The following CIB1 variants were observed in gnomAD, a reference collection of about 807,000 sequenced individuals.
The protein encoded by CIB1 is calcium and integrin-binding protein 1.
A neutral mutation model predicts 25.0 loss-of-function variants in CIB1; 19 were observed. The ratio of observed to expected loss-of-function variants is 0.76; its 90% CI spans 0.53 to 1.12. The LOEUF (loss-of-function observed/expected upper bound fraction) is 1.12, where lower values mean the gene tolerates loss of function less well. CIB1 is among the 50% of genes most tolerant of loss of function. The pLI, the probability that CIB1 is intolerant of heterozygous loss-of-function variation, is 0.00. For missense variants in CIB1, 236 were observed against 242.6 expected (o/e 0.97, Z 0.18); for synonymous variants, 104 against 98.5 (o/e 1.06, Z -0.33).
chr15:90,231,804 G>A (rs749638530), intron 3 of CIB1, among the ~76,000 whole-genome samples: 8 of 152,228 alleles, frequency 5.3e-5, no homozygotes, highest in Non-Finnish European at 7.3e-5. Context: ...CAAAGGGAAC[G>A]AGATGGGCTG....
chr15:90,233,780 T>A lies in CIB1; in HGVS notation c.51+55A>T. The A allele has an allele frequency of 4.5e-6, 7 of 1,551,290 alleles. No individual in the cohort carries two copies. The South Asian group carries it at 8.3e-5, about 18-fold the overall frequency. On this transcript the variant is annotated intron_variant, in intron 1 of 6. Transcript: ENST00000328649. ...CGCCCCGCAGCCAGCTCCCGGACCC[T>A]GCTCCCGAGAAGAGGCCCGCACGCG...
intron 2 of CIB1, among the ~76,000 whole-genome samples, chr15:90,233,063 A>G (rs1962540605): frequency 6.6e-6 from 1 of 151,946 alleles, no homozygotes; most frequent in South Asian, 2.1e-4. Context: ...CCTCCTTCCC[A>G]TGAGCTTATC....
chr15:90,237,709 T>C (rs1407405862), upstream of CIB1, among the ~76,000 whole-genome samples: 3 of 152,216 alleles, frequency 2.0e-5, no homozygotes, highest in Non-Finnish European at 4.4e-5. Context: ...CTCTTTTTTT[T>C]CTCCTTTTTT....
chr15:90,231,255 G>A lies in CIB1; in HGVS notation c.347-42C>T. The A allele has an allele frequency of 1.9e-6, 3 of 1,608,944 alleles. No individual in the cohort carries two copies. The South Asian group carries it at 3.3e-5, about 18-fold the overall frequency. On this transcript the variant is annotated intron_variant, in intron 4 of 6. Transcript: ENST00000328649. ...GGAAGCCAAAAGACACGGTTGGGAGGGGCTCTGAGGTTCCCCAAACGGCGC... is the reference window on the plus strand; with the variant it reads ...GGAAGCCAAAAGACACGGTTGGGAGAGGCTCTGAGGTTCCCCAAACGGCGC...
the CIB1 span, chr15:90,253,265 A>C: frequency 1.9e-6 from 3 of 1,613,828 alleles, no homozygotes; most frequent in African/African-American, 1.3e-5. Context: ...GGGCAGCCCA[A>C]ATGTGTGGCC....
chr15:90,256,586 TTTCTTTCTTTCTTTCTTTCTTTCC>T, the CIB1 span, among the ~76,000 whole-genome samples: 106 of 32,292 alleles, frequency 3.3e-3, no homozygotes, highest in African/African-American at 0.011. Context: ...TCTTTCTTTC[TTTCTTTCTTTCTTTCTTTCTTTCC>T]TTCCTTCCTT....
the CIB1 span, among the ~76,000 whole-genome samples, chr15:90,246,292 A>G: frequency 6.6e-6 from 1 of 151,924 alleles, no homozygotes; most frequent in African/African-American, 2.4e-5. Context: ...ATACAAAACA[A>G]AAAACGATAA....
Position 90,231,098 on chromosome 15 carries a change from G to A in CIB1, c.462C>T (p.Asp154=). ...CCAGGCCTGCTCAGCTGCTCACGTT[G>A]TCGATGAGCTGCTTCATCTCAGACG... ...LSASEMKQLI[D]NILEESDIDR... The change falls in exon 5 of 7, where the codon GAC becomes GAT. Residue 154 remains aspartate (D), a synonymous_variant. Transcript: ENST00000328649. 1 of 1,613,886 alleles carries A rather than the reference G, an allele frequency of 6.2e-7. No homozygotes were observed. The highest frequency in any genetic ancestry group is 1.7e-5 in the Admixed American group (1 of 60,028).
the CIB1 span, chr15:90,258,432 G>A: frequency 1.5e-6 from 1 of 679,860 alleles, no homozygotes; most frequent in Non-Finnish European, 2.5e-6. Flanking sequence ...CTACCCTTTT[G>A]ACCTGCTGAG....
the CIB1 span, chr15:90,241,683 A>C: frequency 5.8e-5 from 94 of 1,613,512 alleles, no homozygotes; most frequent in Non-Finnish European, 7.4e-5. Context: ...CCTCTTTTAC[A>C]CTCGTGGGCC....
the CIB1 span, among the ~76,000 whole-genome samples, chr15:90,249,214 C>CAAAAAA: frequency 1.2e-3 from 107 of 88,186 alleles, no homozygotes; most frequent in African/African-American, 5.0e-3. Flanking sequence ...GACCCCGTCT[C>CAAAAAA]AAAAAAAAAA....
upstream of CIB1, chr15:90,234,064 C>CT (rs1962576617): frequency 1.5e-6 from 1 of 684,326 alleles, no homozygotes; most frequent in African/African-American, 1.9e-5. Flanking sequence ...GGCAGGCGAG[C>CT]TGCCGGCTCC....
chr15:90,259,629 G>T, the CIB1 span, among the ~76,000 whole-genome samples: 2 of 152,174 alleles, frequency 1.3e-5, no homozygotes, highest in Non-Finnish European at 2.9e-5. Flanking sequence ...GGTTAGCAAC[G>T]TATTTTAGAG....
rs888421088 is a variant in CIB1 at position 90,230,985 on chromosome 15, A to G, written c.503T>C (p.Ile168Thr). 2 of 1,614,162 alleles carry G rather than the reference A, an allele frequency of 1.2e-6. No homozygotes were observed. The highest frequency in any genetic ancestry group is 1.6e-4 in the Middle Eastern group (1 of 6,062). ...EESDIDRDGTINLSEFQHVIS... is the reference protein window; with the variant it reads ...EESDIDRDGTTNLSEFQHVIS... ...GACGTGCTGGAACTCAGAGAGGTTG[A>G]TGGTTCCATCCCTGTCAATGTCAGA... The change falls in exon 6 of 7, where the codon ATC becomes ACC. Residue 168 changes from isoleucine to threonine, a missense_variant. By Grantham distance (89) the Ile-to-Thr change is moderately conservative. Coordinates refer to ENST00000328649, the MANE Select transcript of CIB1 (RefSeq NM_006384.4).
upstream of CIB1, among the ~76,000 whole-genome samples, chr15:90,237,677 T>C (rs1038898739): frequency 3.9e-5 from 6 of 152,342 alleles, no homozygotes; most frequent in African/African-American, 1.4e-4. Flanking sequence ...TATATCTTAT[T>C]TGAAAAAATG....
At chr15:90,256,578 TTTC>T in the CIB1 span, among the ~76,000 whole-genome samples, 1 of 32,552 alleles carries the variant, frequency 3.1e-5, no homozygotes, top group Admixed American at 4.2e-4. Context: ...TCTTTCTTTC[TTTC>T]TTTCTTTCTT....
chr15:90,261,275 C>T, the CIB1 span, among the ~76,000 whole-genome samples: 150 of 151,304 alleles, frequency 9.9e-4, no homozygotes, highest in Middle Eastern at 3.4e-3. Flanking sequence ...AACAGGGTTT[C>T]GCTATGTTGG....
At chr15:90,265,088 C>A in the CIB1 span, 1 of 1,332,918 alleles carries the variant, frequency 7.5e-7, no homozygotes, top group South Asian at 1.5e-5. Flanking sequence ...TGCCCAGGAA[C>A]CCCATTTGTA....
At chr15:90,264,092 C>T in the CIB1 span, 25 of 1,358,240 alleles carry the variant, frequency 1.8e-5, no homozygotes, top group African/African-American at 1.4e-4. Context: ...GTCATTTTGA[C>T]ATATGTAAAT....
Sources: gnomAD v4.1 joint callset for allele counts (sites outside exome capture counted in the v4.1 genomes callset) on GRCh38, gnomAD v4.1.1 for gene constraint, MANE v1.5 for transcripts, NCBI Gene and HGNC (gene_info 2026-07-23, HGNC 2026-07-21) for gene names.